Variants in ZBTB25 observed in about 807,000 individuals in gnomAD.
ZBTB25 encodes the protein zinc finger and BTB domain-containing protein 25.
In ZBTB25, 20 loss-of-function variants were observed where a neutral mutation model predicts 34.2. That is an observed-to-expected ratio of 0.58 (90% CI 0.41 to 0.85). ZBTB25 has a LOEUF of 0.85. Ranked by LOEUF, ZBTB25 falls within the 40% of genes least tolerant of loss-of-function variation. ZBTB25 has a pLI of 0.00. For missense variants in ZBTB25, 437 were observed against 521.8 expected, an observed-to-expected ratio of 0.84 and a Z score of 1.58; for synonymous variants, 175 against 186.4, an observed-to-expected ratio of 0.94 and a Z score of 0.50.
chr14:64,499,089 A>T (rs2079395775), intron 1 of ZBTB25, among the ~76,000 whole-genome samples: 2 of 144,608 alleles, frequency 1.4e-5, no homozygotes, highest in South Asian at 4.4e-4. Context: ...AACTTTCTTT[A>T]CTTTCTAGAT....
downstream of ZBTB25, among the ~76,000 whole-genome samples, chr14:64,477,185 T>A (rs2078727686): frequency 6.6e-6 from 1 of 152,160 alleles, no homozygotes; most frequent in South Asian, 2.1e-4. Context: ...TAAACCAGGA[T>A]AAGGAAAGGC....
chr14:64,497,746 T>G (rs2079327435), intron 1 of ZBTB25, among the ~76,000 whole-genome samples: 1 of 152,248 alleles, frequency 6.6e-6, no homozygotes, highest in Admixed American at 6.5e-5. Context: ...TTGATTCTTA[T>G]GTATTTAGAA....
downstream of ZBTB25, among the ~76,000 whole-genome samples, chr14:64,475,835 A>G (rs2078715142): frequency 6.6e-6 from 1 of 152,192 alleles, no homozygotes; most frequent in African/African-American, 2.4e-5. Context: ...TATCATAACA[A>G]TGGGAGCAGT....
intron 2 of ZBTB25, chr14:64,453,981 T>C: frequency 1.4e-6 from 1 of 712,796 alleles, no homozygotes; most frequent in Non-Finnish European, 2.6e-6. Context: ...GTGGCAGCCT[T>C]CTCTCCTCTG....
rs769232221 is a variant in ZBTB25 at position 64,468,563 on chromosome 14, G to A, written c.174-18925C>T. 8 of 1,614,070 alleles carry A rather than the reference G, an allele frequency of 5.0e-6. No individual in the cohort carries two copies. The East Asian group carries it at 1.1e-4, about 22-fold the overall frequency. On this transcript the variant is annotated intron_variant, in intron 2 of 2. Transcript: ENST00000555220. ...GCCCAAAGCTGGCTCTGAAGCTGCT[G>A]ATGTGGCAAGGAAGTGTCCACAAGA...
At position 64,485,301 on chromosome 14, in the gene ZBTB25, C is replaced by A. The variant is rs2078846008; in HGVS notation, c.*1622G>T. 1 of 985,308 alleles carries A rather than the reference C, an allele frequency of 1.0e-6. No homozygotes were observed. Among genetic ancestry groups the A allele is most frequent in the African/African-American group, 1.7e-5 (1 of 57,222 alleles). The allele number at this position is 985,308 out of a possible 1,614,324, so 61.0% of individuals were successfully genotyped here. A position where few individuals can be genotyped will look rare whatever the true frequency, so the allele number is the denominator to read the frequency against. On this transcript the variant is annotated 3_prime_UTR_variant, in exon 3 of 3. Transcript: ENST00000608382. The stretch of plus-strand genomic sequence containing the variant: ...TTTTGTAAGTGGTTAAATTCTAAGG[C>A]TCACAAACCAAATTTTTTAGATGTA...
chr14:64,488,916 T>A (rs2078975547), intron 2 of ZBTB25, among the ~76,000 whole-genome samples: 1 of 152,222 alleles, frequency 6.6e-6, no homozygotes, highest in African/African-American at 2.4e-5. Flanking sequence ...TATATGTTTA[T>A]AGCCACAATA....
At position 64,486,873 on chromosome 14, in the gene ZBTB25, C is replaced by A. The variant is rs10143839; in HGVS notation, c.*50G>T. 2.6e-6 allele frequency: 4 copies of A among 1,517,328 alleles called. No homozygotes were observed. Among genetic ancestry groups the A allele is most frequent in the Non-Finnish European group, 3.5e-6 (4 of 1,135,988 alleles). The allele number at this position is 1,517,328 out of a possible 1,614,324, so 94.0% of individuals were successfully genotyped here. On this transcript the variant is annotated 3_prime_UTR_variant, in exon 3 of 3. Coordinates refer to ENST00000608382, the MANE Select transcript of ZBTB25 (RefSeq NM_006977.5). ...AATAATTTATGAATTAAAAATGCCA[C>A]GCAAATTTTCTTTTTCAGAATTGGT...
downstream of ZBTB25, chr14:64,473,803 T>G (rs1013871927): frequency 6.6e-5 from 11 of 167,036 alleles, no homozygotes; most frequent in Admixed American, 4.6e-4. Context: ...CATTTAAGAT[T>G]TAGAGTTCTT....
At chr14:64,468,814 T>C (rs779494378) in intron 2 of ZBTB25, 2 of 1,614,150 alleles carry the variant, frequency 1.2e-6, no homozygotes, top group Middle Eastern at 1.6e-4. Flanking sequence ...AAAGGAGTAA[T>C]CATTCCAAAA....
At chr14:64,463,066 T>C (rs1267591542) in intron 2 of ZBTB25, 1 of 152,182 alleles carries the variant, frequency 6.6e-6, no homozygotes, top group African/African-American at 2.4e-5. Flanking sequence ...TCTCATCAGA[T>C]TGCAGAAATA....
chr14:64,458,156 T>C (rs951239151), intron 2 of ZBTB25: 4 of 1,341,242 alleles, frequency 3.0e-6, no homozygotes, highest in South Asian at 2.3e-5. Context: ...CCTGGGATTA[T>C]AGGCGTGAGC....
rs1369424271 is a variant in ZBTB25 at position 64,486,309 on chromosome 14, A to G, written c.*614T>C. 14 of 985,032 alleles carry G rather than the reference A, an allele frequency of 1.4e-5. No individual in the cohort carries two copies. Among genetic ancestry groups the G allele is most frequent in the Non-Finnish European group, 1.7e-5 (14 of 829,654 alleles). 61.0% of individuals were successfully genotyped at this position (985,032 alleles called of 1,614,324 possible). ...ACAGAGAGACTCTGTCTCAAAAAAA[A>G]AAAGAGGTATACTCAATGTTAAAAA... On this transcript the variant is annotated 3_prime_UTR_variant, in exon 3 of 3. Transcript: ENST00000608382.
At chr14:64,502,011 C>G (rs1004147251) in intron 1 of ZBTB25, among the ~76,000 whole-genome samples, 3 of 152,212 alleles carry the variant, frequency 2.0e-5, no homozygotes, top group Non-Finnish European at 4.4e-5. Flanking sequence ...GCGATCTAGG[C>G]TTAAATTCTA....
intron 1 of ZBTB25, among the ~76,000 whole-genome samples, chr14:64,499,135 A>G (rs971065081): frequency 4.6e-5 from 7 of 152,250 alleles, no homozygotes; most frequent in Non-Finnish European, 8.8e-5. Context: ...TAAGTAAGAT[A>G]GAACAACTTT....
chr14:64,504,717 G>C (rs2079609746), upstream of ZBTB25: 2 of 372,734 alleles, frequency 5.4e-6, no homozygotes, highest in African/African-American at 4.2e-5. Context: ...GCGTAAGCGG[G>C]GCCGGCTCAG....
At chr14:64,455,103 T>C (rs1283309077) in intron 2 of ZBTB25, 9 of 534,168 alleles carry the variant, frequency 1.7e-5, no homozygotes, top group Non-Finnish European at 3.0e-5. Flanking sequence ...GGACTACTCA[T>C]ACTGAATAAA....
At chr14:64,449,819 T>G (rs2078341392) in intron 2 of ZBTB25, among the ~76,000 whole-genome samples, 1 of 152,210 alleles carries the variant, frequency 6.6e-6, no homozygotes, top group Non-Finnish European at 1.5e-5. Context: ...GACGGAGTCT[T>G]GCTCTTTTGC....
chr14:64,504,561 C>A (rs1049226089), upstream of ZBTB25: 1 of 198,268 alleles, frequency 5.0e-6, no homozygotes, highest in Non-Finnish European at 1.0e-5. Context: ...GCGCCAGCCT[C>A]CTCGGAGCTC....
Sources: gnomAD v4.1 joint callset for allele counts (sites outside exome capture counted in the v4.1 genomes callset) on GRCh38, gnomAD v4.1.1 for gene constraint, MANE v1.5 for transcripts, NCBI Gene and HGNC (gene_info 2026-07-23, HGNC 2026-07-21) for gene names.